Variants in GIT2 observed in about 807,000 individuals in gnomAD.
The protein encoded by GIT2 is GIT ArfGAP 2.
Under a neutral mutation model 100.3 loss-of-function variants are expected in GIT2, and 32 were observed. That is an observed-to-expected ratio of 0.32 (90% confidence interval 0.24 to 0.43). The LOEUF (loss-of-function observed/expected upper bound fraction) is 0.43. GIT2 is among the 20% of genes least tolerant of loss of function. GIT2 has a pLI of 1.00. For missense variants in GIT2, 737 were observed against 975.1 expected, an observed-to-expected ratio of 0.76 and a Z score of 3.25; for synonymous variants, 353 against 364.1, an observed-to-expected ratio of 0.97 and a Z score of 0.35.
rs1466384474 is a variant in GIT2 at position 109,948,965 on chromosome 12, T to C, written c.1393-1461A>G. 1 of 663,574 alleles carries C rather than the reference T, an allele frequency of 1.5e-6. No individual in the cohort carries two copies. The highest frequency in any genetic ancestry group is 1.8e-5 in the African/African-American group (1 of 54,710). The allele number at this position is 663,574 out of a possible 1,614,324, so 41.1% of individuals were successfully genotyped here. A position where few individuals can be genotyped will look rare whatever the true frequency, so the allele number is the denominator to read the frequency against. The stretch of plus-strand genomic sequence containing the variant: ...ATCTTTGCTAAATAAACAAATTCCA[T>C]ATACTTTATATTAATCATGCCAAAC... On this transcript the variant is annotated intron_variant, in intron 14 of 19. Transcript: ENST00000355312. The surrounding 1 kb of genome is among the most constrained non-coding windows in gnomAD (Gnocchi z 4.3).
chr12:109,935,179 A>G (rs1306321879), intron 18 of GIT2, among the ~76,000 whole-genome samples: 1 of 152,230 alleles, frequency 6.6e-6, no homozygotes, highest in Non-Finnish European at 1.5e-5. Context: ...CCTGACTTCT[A>G]CCTTTGTGAG....
At chr12:109,996,963 G>A (rs1308049920), upstream of GIT2, among the ~76,000 whole-genome samples, 1 of 151,858 alleles carries the variant, frequency 6.6e-6, no homozygotes, top group Non-Finnish European at 1.5e-5. Context: ...TGTAATCCCA[G>A]CACTTTGGGA....
rs1315090330 is a variant in GIT2, at chr12:109,989,802, T to C, written c.187A>G (p.Met63Val). Residue 63 changes from methionine (M) to valine (V), a missense_variant and splice_region_variant, in exon 3 of 20, where the codon ATG (methionine) becomes GTG (valine). Coordinates refer to ENST00000355312, the MANE Select transcript of GIT2 (RefSeq NM_057169.5). The part of the protein sequence containing the change: ...HTPWPPTLLQ[M>V]VETLYNNGAN... ...CCGTTATTATACAAGGTCTCAACCA[T>C]CTAAAACCAAGCAGGATGACATAAG... 8 of 1,497,042 alleles carry C rather than the reference T, an allele frequency of 5.3e-6. No individual in the cohort carries two copies. The highest frequency in any genetic ancestry group is 1.1e-5 in the South Asian group (1 of 88,560). The allele number at this position is 1,497,042 out of a possible 1,614,324, so 92.7% of individuals were successfully genotyped here.
chr12:109,976,084 T>A lies in GIT2; in HGVS notation c.718+4868A>T, dbSNP rs925382978. On this transcript the variant is annotated intron_variant, in intron 7 of 19. Transcript: ENST00000355312. ...TGCCTGGCTTGTAGTCTTCTTTCAG[T>A]GGTTATGGTAGAAATTACTATACAC... is the stretch of plus-strand genomic sequence containing the variant. Among the ~76,000 whole-genome samples the A allele has an allele frequency of 4.0e-5, 6 of 149,160 alleles. No individual in the cohort carries two copies. In the South Asian group the frequency reaches 8.4e-4, roughly 21 times the overall value.
rs548405957 is a variant in GIT2, at chr12:109,947,982, T to G, written c.1393-478A>C. On this transcript the variant is annotated intron_variant, in intron 14 of 19. Coordinates refer to ENST00000355312, the MANE Select transcript of GIT2 (RefSeq NM_057169.5). The surrounding 1 kb of genome is among the most constrained non-coding windows in gnomAD (Gnocchi z 4.3). ...GCAGCACAAAGATGACTAGGGTTGC[T>G]TTGCAAAGCAAGAAAGACAGAAGTT... The G allele has an allele frequency of 3.2e-6, 1 of 310,904 alleles. No homozygotes were observed. The highest frequency in any genetic ancestry group is 4.7e-6 in the Non-Finnish European group (1 of 213,204). 19.3% of individuals were successfully genotyped at this position (310,904 alleles called of 1,614,324 possible).
In GIT2 at chr12:109,961,378, A is replaced by C; in HGVS notation, c.890-3T>G. Reference sequence around the variant, plus strand: ...GTGGTTTTGCGTGGCAAGCCAGACTAGTCAGAGGAAAGAGCCAGAGACAAA... The same window carrying C: ...GTGGTTTTGCGTGGCAAGCCAGACTCGTCAGAGGAAAGAGCCAGAGACAAA... On this transcript the variant is annotated splice_region_variant and splice_polypyrimidine_tract_variant and intron_variant, in intron 10 of 19. Coordinates refer to ENST00000355312, the MANE Select transcript of GIT2 (RefSeq NM_057169.5). 6.3e-7 allele frequency: 1 copy of C among 1,589,910 alleles called. No individual in the cohort carries two copies. Among genetic ancestry groups the C allele is most frequent in the Non-Finnish European group, 8.6e-7 (1 of 1,157,902 alleles).
In GIT2 at chr12:109,940,841, TGCACTCCAGCCTGGGTGACA is replaced by T. The variant is rs1203143749; in HGVS notation, c.1732-1614_1732-1595del. On this transcript the variant is annotated intron_variant, in intron 16 of 19. Coordinates refer to ENST00000355312, the MANE Select transcript of GIT2 (RefSeq NM_057169.5). ...TTGCAGTGAGATGAGATCGTACTAC[TGCACTCCAGCCTGGGTGACA>T]GAGCTAGACCCTAACTCAAAAAACA... Among the ~76,000 whole-genome samples the T allele has an allele frequency of 1.1e-4, 16 of 150,422 alleles. No homozygotes were observed. The East Asian group carries it at 2.7e-3, about 26-fold the overall frequency.
chr12:109,991,730 G>A lies in GIT2; in HGVS notation c.83C>T (p.Thr28Met), dbSNP rs748964121. 9 of 1,612,800 alleles carry A rather than the reference G, an allele frequency of 5.6e-6. No homozygotes were observed. Among genetic ancestry groups the A allele is most frequent in the East Asian group, 2.2e-5 (1 of 44,798 alleles). ...DPSWASVNRG[T>M]FLCDECCSVH... ...ACTGCAGCACTCATCACATAAAAACGTTCCCCTATTTACTGATGCCCAGGA... is the reference window on the plus strand; with the variant it reads ...ACTGCAGCACTCATCACATAAAAACATTCCCCTATTTACTGATGCCCAGGA... Residue 28 changes from threonine to methionine, a missense_variant, in exon 2 of 20, where the codon ACG (threonine) becomes ATG (methionine). Coordinates refer to ENST00000355312, the MANE Select transcript of GIT2 (RefSeq NM_057169.5).
At chr12:109,940,902 A>G (rs1293162422) in intron 16 of GIT2, among the ~76,000 whole-genome samples, 1 of 149,694 alleles carries the variant, frequency 6.7e-6, no homozygotes, top group Non-Finnish European at 1.5e-5. Flanking sequence ...AAACAAAACA[A>G]AACAAAACCA....
At chr12:109,954,305 A>AC (rs1878765070) in intron 12 of GIT2, 1 of 152,194 alleles carries the variant, frequency 6.6e-6, no homozygotes, top group African/African-American at 2.4e-5. Flanking sequence ...CTCAAAAAAA[A>AC]AAAAAAGAAT....
intron 10 of GIT2, 114 bp downstream of exon 10, chr12:109,961,499 T>C: frequency 2.1e-6 from 2 of 932,172 alleles, no homozygotes; most frequent in Admixed American, 3.4e-5. Flanking sequence ...AAGGCAAACG[T>C]CGACACTCGC....
At chr12:109,984,580 G>A (rs1886974410) in intron 4 of GIT2, among the ~76,000 whole-genome samples, 2 of 151,348 alleles carry the variant, frequency 1.3e-5, no homozygotes, top group South Asian at 4.2e-4. Flanking sequence ...CCAAACAGCT[G>A]GGACTACAGG....
Position 109,947,988 on chromosome 12 carries a change from A to G in GIT2, c.1393-484T>C. The G allele has an allele frequency of 3.0e-6, 1 of 337,368 alleles. No individual in the cohort carries two copies. Among genetic ancestry groups the G allele is most frequent in the Non-Finnish European group, 4.2e-6 (1 of 237,396 alleles). The allele number at this position is 337,368 out of a possible 1,614,324, so 20.9% of individuals were successfully genotyped here. A position where few individuals can be genotyped will look rare whatever the true frequency, so the allele number is the denominator to read the frequency against. On this transcript the variant is annotated intron_variant, in intron 14 of 19. Coordinates refer to ENST00000355312, the MANE Select transcript of GIT2 (RefSeq NM_057169.5). This position sits in a 1 kb window ranked among gnomAD's most constrained non-coding sequence, Gnocchi z 4.3. ...CAAAGATGACTAGGGTTGCTTTGCA[A>G]AGCAAGAAAGACAGAAGTTCAGCTT...
At chr12:109,982,890 C>A (rs766938456) in intron 6 of GIT2, 1 of 152,212 alleles carries the variant, frequency 6.6e-6, no homozygotes, top group African/African-American at 2.4e-5. Context: ...AAGTAACCCA[C>A]CCGCCTTGGA....
Position 109,933,518 on chromosome 12 carries a change from G to T in GIT2, c.2068-328C>A. On this transcript the variant is annotated intron_variant, in intron 19 of 19. Transcript: ENST00000355312. The surrounding 1 kb of genome is among the most constrained non-coding windows in gnomAD (Gnocchi z 4.5). ...AATTTTAAAATGTGCCTTTTAGCAC[G>T]ACTTGTATATCCTTGTCTTATTAAA... 1 of 267,308 alleles carries T rather than the reference G, an allele frequency of 3.7e-6. No homozygotes were observed. Among genetic ancestry groups the T allele is most frequent in the Non-Finnish European group, 7.1e-6 (1 of 140,068 alleles). The allele number at this position is 267,308 out of a possible 1,614,324, so 16.6% of individuals were successfully genotyped here. A position where few individuals can be genotyped will look rare whatever the true frequency, so the allele number is the denominator to read the frequency against.
chr12:109,954,880 C>T (rs889441878), intron 12 of GIT2, among the ~76,000 whole-genome samples: 4 of 147,136 alleles, frequency 2.7e-5, no homozygotes, highest in African/African-American at 2.5e-5. Context: ...GCATGGATGA[C>T]AGCGAGACTC....
At chr12:109,981,168 A>G (rs1886238796) in intron 6 of GIT2, 122 bp from the exon 7 acceptor site, 1 of 708,584 alleles carries the variant, frequency 1.4e-6, no homozygotes, top group African/African-American at 1.7e-5. Flanking sequence ...GAGAATCATC[A>G]ACCTTCTTGT....
At chr12:109,986,041 G>A (rs1887315914) in intron 4 of GIT2, among the ~76,000 whole-genome samples, 1 of 151,154 alleles carries the variant, frequency 6.6e-6, no homozygotes, top group Non-Finnish European at 1.5e-5. Flanking sequence ...GTTTAGGCTG[G>A]AGTGCCGTGG....
chr12:109,967,307 T>C (rs765014542), intron 8 of GIT2, 151 bp downstream of exon 8: 1 of 1,592,484 alleles, frequency 6.3e-7, no homozygotes, highest in Non-Finnish European at 8.5e-7. Flanking sequence ...TATAGTGGTT[T>C]ACTTACAGCC....
Sources: allele counts gnomAD v4.1 joint callset (sites outside exome capture counted in the v4.1 genomes callset), GRCh38; gene constraint gnomAD v4.1.1; non-coding constraint Gnocchi (gnomAD v3.1); transcripts MANE v1.5; gene names NCBI Gene and HGNC (gene_info 2026-07-23, HGNC 2026-07-21).